Variants in CDK11B observed in about 807,000 individuals in gnomAD.
CDK11B encodes cyclin-dependent kinase 11B.
A neutral mutation model predicts 84.0 loss-of-function variants in CDK11B; 37 were observed. That is an observed-to-expected ratio of 0.44 (90% CI 0.34 to 0.58). CDK11B has a LOEUF of 0.58. Among genes scored for constraint, CDK11B ranks in the 20% least tolerant of loss-of-function variants. The probability of loss-of-function intolerance (pLI) is 0.02; values close to 1 mark genes in which losing one functional copy is unlikely to be tolerated. For synonymous variants in CDK11B, 269 were observed against 309.8 expected, an observed-to-expected ratio of 0.87 and a Z score of 1.38; for missense variants, 427 against 834.0, an observed-to-expected ratio of 0.51 and a Z score of 6.01.
rs1242188629 is a variant in CDK11B, at chr1:1,657,744, CAA to C, written c.-13-248_-13-247del. Among the ~76,000 whole-genome samples the C allele has an allele frequency of 4.1e-5, 5 of 120,984 alleles. No individual in the cohort carries two copies. In the South Asian group the frequency reaches 9.0e-4, roughly 22 times the overall value. 79.4% of individuals were successfully genotyped at this position (120,984 alleles called of 152,430 possible). On this transcript the variant is annotated intron_variant, in intron 1 of 19. Coordinates refer to ENST00000341832, the MANE Select transcript of CDK11B (RefSeq NM_033486.3). The stretch of plus-strand genomic sequence containing the variant: ...CAAAACCTCGTCTCTACAAAAAATA[CAA>C]AAGTTAGCCCAGTGTGGTGGCGCGT...
chr1:1,658,390 T>C (rs1182574652), intron 1 of CDK11B, among the ~76,000 whole-genome samples: 1 of 149,946 alleles, frequency 6.7e-6, no homozygotes, highest in Non-Finnish European at 1.5e-5. Flanking sequence ...GTCATTCTTG[T>C]ATGGTCTTGG....
chr1:1,653,242 C>T (rs1342530516), intron 3 of CDK11B, among the ~76,000 whole-genome samples: 1 of 151,772 alleles, frequency 6.6e-6, no homozygotes, highest in Non-Finnish European at 1.5e-5. Flanking sequence ...TCAGGCTGGT[C>T]TCAAACTTGT....
intron 4 of CDK11B, among the ~76,000 whole-genome samples, chr1:1,650,251 C>G (rs1641782727): frequency 1.5e-5 from 1 of 68,814 alleles, no homozygotes; most frequent in Admixed American, 1.6e-4. Context: ...GCCTGGGTGA[C>G]AAGCAAGACT....
rs1312738463 is a variant in CDK11B at position 1,649,492 on chromosome 1, G to A, written c.494+7C>T. On this transcript the variant is annotated splice_region_variant and intron_variant, in intron 5 of 19. Transcript: ENST00000341832. ...TATAAAGTCCTCAACTGACCCAGCC[G>A]ACTCACCTTTCTCTCCTGGAATGCT... The A allele has an allele frequency of 1.1e-4, 178 of 1,564,560 alleles. 2 individuals carry two copies. The highest frequency in any genetic ancestry group is 9.8e-4 in the South Asian group (88 of 90,026).
chr1:1,649,971 C>G (rs1450361202), intron 4 of CDK11B, among the ~76,000 whole-genome samples: 1 of 133,196 alleles, frequency 7.5e-6, no homozygotes, highest in South Asian at 2.3e-4. Context: ...AAAAAAAAAA[C>G]CCACGTGAAA....
intron 4 of CDK11B, among the ~76,000 whole-genome samples, chr1:1,650,417 G>A (rs1327511741): frequency 1.1e-4 from 15 of 140,130 alleles, no homozygotes; most frequent in African/African-American, 3.3e-4. Context: ...CCAGGCTGGA[G>A]TGCAGTGGCG....
intron 6 of CDK11B, among the ~76,000 whole-genome samples, chr1:1,644,052 G>A (rs367735110): frequency 5.8e-3 from 877 of 151,882 alleles, no homozygotes; most frequent in Middle Eastern, 0.014. Context: ...GAAAGCCTAA[G>A]GCAAAGAGAA....
chr1:1,637,669 G>A (rs1004949290), intron 13 of CDK11B, 93 bp downstream of exon 13: 4 of 1,611,352 alleles, frequency 2.5e-6, no homozygotes, highest in Admixed American at 1.7e-5. Context: ...ACTAAGTGCA[G>A]GAGAGTGTAG....
Position 1,637,902 on chromosome 1 carries a change from C to T in CDK11B, c.1343-19G>A, listed in dbSNP as rs201449285. The T allele has an allele frequency of 3.0e-5, 49 of 1,613,102 alleles. No homozygotes were observed. The highest frequency in any genetic ancestry group is 2.9e-4 in the East Asian group (13 of 44,824). ...ATTTCATCTGTGAAGAAAATACAGA[C>T]GGCACTGAGAGGCATTCTCAAAGTC... On this transcript the variant is annotated intron_variant, in intron 12 of 19. Transcript: ENST00000341832.
At chr1:1,647,779 C>T (rs1641364348) in intron 5 of CDK11B, among the ~76,000 whole-genome samples, 1 of 152,188 alleles carries the variant, frequency 6.6e-6, no homozygotes, top group Non-Finnish European at 1.5e-5. Context: ...GACCTCTTGG[C>T]CTTTTCTTCC....
chr1:1,636,716 T>C lies in CDK11B; in HGVS notation c.1883A>G (p.Lys628Arg). ...CTTGTTGATCTGATCGATTTCTGAC[T>C]TCCCGGGGAACAGAGGCTTCTGAGT... ...LLTQKPLFPGKSEIDQINKVF... is the reference protein window; with the variant it reads ...LLTQKPLFPGRSEIDQINKVF... The change falls in exon 17 of 20, where the codon AAG (lysine) becomes AGG (arginine). Residue 628 changes from lysine to arginine, a missense_variant. Lys to Arg is a conservative substitution (Grantham distance 26). Transcript: ENST00000341832. 2 of 1,613,964 alleles carry C rather than the reference T, an allele frequency of 1.2e-6. No homozygotes were observed. Among genetic ancestry groups the C allele is most frequent in the African/African-American group, 2.7e-5 (2 of 75,032 alleles).
intron 5 of CDK11B, among the ~76,000 whole-genome samples, chr1:1,648,775 C>T (rs1216386832): frequency 6.6e-6 from 1 of 152,094 alleles, no homozygotes; most frequent in African/African-American, 2.4e-5. Context: ...TTAGGATCTC[C>T]CTTCTCCTTT....
At chr1:1,636,835 C>T in intron 16 of CDK11B, 37 bp from the exon 17 acceptor site, 2 of 1,613,220 alleles carry the variant, frequency 1.2e-6, no homozygotes, top group Non-Finnish European at 1.7e-6. Flanking sequence ...AGGGCCAGTG[C>T]CCGCGAAGCT....
chr1:1,650,152 C>A (rs1186688981), intron 4 of CDK11B, among the ~76,000 whole-genome samples: 5 of 149,662 alleles, frequency 3.3e-5, no homozygotes, highest in Non-Finnish European at 5.9e-5. Flanking sequence ...CACCTGTAGT[C>A]CCAGCTACTC....
At position 1,636,132 on chromosome 1, in the gene CDK11B, G is replaced by A. The variant is rs1639234205; in HGVS notation, c.2067-6C>T. The stretch of plus-strand genomic sequence containing the variant: ...CGGGGAAGTAGGTCAGGAACCTGGG[G>A]GGAGAGGGCCAGAGGCCCAGGAGGT... On this transcript the variant is annotated splice_region_variant and splice_polypyrimidine_tract_variant and intron_variant, in intron 18 of 19. Coordinates refer to ENST00000341832, the MANE Select transcript of CDK11B (RefSeq NM_033486.3). 3.6e-6 allele frequency: 2 copies of A among 558,176 alleles called. No homozygotes were observed. Among genetic ancestry groups the A allele is most frequent in the Middle Eastern group, 4.5e-4 (1 of 2,218 alleles). 34.6% of individuals were successfully genotyped at this position (558,176 alleles called of 1,614,324 possible). A position where few individuals can be genotyped will look rare whatever the true frequency, so the allele number is the denominator to read the frequency against.
Position 1,657,507 on chromosome 1 carries a change from A to G in CDK11B, c.-13-9T>C, listed in dbSNP as rs959937292. The G allele has an allele frequency of 6.7e-7, 1 of 1,499,224 alleles. No homozygotes were observed. Among genetic ancestry groups the G allele is most frequent in the Admixed American group, 2.4e-5 (1 of 41,666 alleles). The allele number at this position is 1,499,224 out of a possible 1,614,324, so 92.9% of individuals were successfully genotyped here. A position where few individuals can be genotyped will look rare whatever the true frequency, so the allele number is the denominator to read the frequency against. On this transcript the variant is annotated splice_polypyrimidine_tract_variant and intron_variant, in intron 1 of 19. Coordinates refer to ENST00000341832, the MANE Select transcript of CDK11B (RefSeq NM_033486.3). ...CCATTTGAGTTAAAACACTGCAAAA[A>G]GAAAAATAATTCAGCCTACATCAGG...
At chr1:1,637,306 C>A in intron 14 of CDK11B, 102 bp downstream of exon 14, 1 of 1,568,868 alleles carries the variant, frequency 6.4e-7, no homozygotes, top group Non-Finnish European at 8.6e-7. Flanking sequence ...CAGGGCTTTC[C>A]CTGTGGATGC....
Position 1,637,071 on chromosome 1 carries a change from G to C in CDK11B, c.1692+10C>G, listed in dbSNP as rs374090936. 88 of 1,613,412 alleles carry C rather than the reference G, an allele frequency of 5.5e-5. No individual in the cohort carries two copies. Among genetic ancestry groups the C allele is most frequent in the Non-Finnish European group, 6.8e-5 (80 of 1,179,824 alleles). ...TCTCCCTGGGATGGGCCACTCGGAGGGGGGCTCACCTTGAGGATGCCGGCG... is the reference window on the plus strand; with the variant it reads ...TCTCCCTGGGATGGGCCACTCGGAGCGGGGCTCACCTTGAGGATGCCGGCG... On this transcript the variant is annotated intron_variant, in intron 15 of 19. Coordinates refer to ENST00000341832, the MANE Select transcript of CDK11B (RefSeq NM_033486.3).
At position 1,649,483 on chromosome 1, in the gene CDK11B, G is replaced by C; in HGVS notation, c.494+16C>G. The C allele has an allele frequency of 6.5e-7, 1 of 1,545,342 alleles. No homozygotes were observed. The highest frequency in any genetic ancestry group is 8.9e-7 in the Non-Finnish European group (1 of 1,118,374). ...CAGCCCTTTTATAAAGTCCTCAACT[G>C]ACCCAGCCGACTCACCTTTCTCTCC... On this transcript the variant is annotated intron_variant, in intron 5 of 19. Transcript: ENST00000341832.
Sources: gnomAD v4.1 joint callset for allele counts (sites outside exome capture counted in the v4.1 genomes callset) on GRCh38, gnomAD v4.1.1 for gene constraint, MANE v1.5 for transcripts, NCBI Gene and HGNC (gene_info 2026-07-23, HGNC 2026-07-21) for gene names.